FHAD1: variants seen among roughly 807,000 people sequenced by gnomAD.
FHAD1 encodes the protein forkhead associated phosphopeptide binding domain 1.
A neutral mutation model predicts 191.3 loss-of-function variants in FHAD1; 146 were observed. That is an observed-to-expected ratio of 0.76 (90% CI 0.67 to 0.88). The LOEUF is 0.88. Ranked by LOEUF, FHAD1 falls within the 40% of genes least tolerant of loss-of-function variation. The pLI is 0.00. For synonymous variants in FHAD1, 616 were observed against 672.3 expected, an observed-to-expected ratio of 0.92 and a Z score of 1.29; for missense variants, 1,635 against 1,785.8, an observed-to-expected ratio of 0.92 and a Z score of 1.52.
At chr1:15,294,450 G>A (rs1666229224) in intron 4 of FHAD1, among the ~76,000 whole-genome samples, 1 of 152,150 alleles carries the variant, frequency 6.6e-6, no homozygotes, top group Admixed American at 6.5e-5. Flanking sequence ...CTGGAGTGCA[G>A]TGGTGCAATC....
At chr1:15,258,496 C>T (rs1649385359) in intron 2 of FHAD1, among the ~76,000 whole-genome samples, 1 of 152,026 alleles carries the variant, frequency 6.6e-6, no homozygotes, top group South Asian at 2.1e-4. Context: ...ATCCATTCAT[C>T]TGTCAATGGA....
At chr1:15,350,630 G>A (rs1377647951) in intron 19 of FHAD1, among the ~76,000 whole-genome samples, 6 of 152,224 alleles carry the variant, frequency 3.9e-5, no homozygotes, top group African/African-American at 1.4e-4. Context: ...GCCCTAACAG[G>A]CTGTGTGACC....
intron 2 of FHAD1, among the ~76,000 whole-genome samples, chr1:15,270,474 T>A (rs1318285334): frequency 6.6e-6 from 1 of 152,126 alleles, no homozygotes; most frequent in East Asian, 1.9e-4. Flanking sequence ...ATCTCTAGAT[T>A]GTTGTGAAGA....
intron 2 of FHAD1, among the ~76,000 whole-genome samples, chr1:15,266,604 C>T (rs1653633864): frequency 6.6e-6 from 1 of 152,086 alleles, no homozygotes; most frequent in African/African-American, 2.4e-5. Context: ...TTAACTCAAG[C>T]CCAGAGTTTA....
intron 3 of FHAD1, among the ~76,000 whole-genome samples, chr1:15,288,217 A>G (rs1378182653): frequency 6.6e-6 from 1 of 152,232 alleles, no homozygotes; most frequent in Non-Finnish European, 1.5e-5. Flanking sequence ...ACAAAGGGTC[A>G]TGGTGAGGAA....
intron 1 of FHAD1, among the ~76,000 whole-genome samples, chr1:15,237,258 C>T (rs1573487066): frequency 1.3e-5 from 2 of 152,290 alleles, no homozygotes; most frequent in East Asian, 1.9e-4. Flanking sequence ...CTGTGAAAGC[C>T]AAAGAAACAT....
chr1:15,333,404 G>A lies in FHAD1; in HGVS notation c.1906+3863G>A, dbSNP rs1221386025. ...TGGTGATGATGGTGATTATGGTGAC[G>A]ATGATAGTCATTCATCACTGAGGAC... On this transcript the variant is annotated intron_variant, in intron 14 of 33. Coordinates refer to ENST00000688493, the MANE Select transcript of FHAD1 (RefSeq NM_001391957.1). Among the ~76,000 whole-genome samples the A allele has an allele frequency of 3.9e-5, 6 of 152,214 alleles. No individual in the cohort carries two copies. In the South Asian group the frequency reaches 1.0e-3, roughly 26 times the overall value.
chr1:15,290,396 T>A lies in FHAD1; in HGVS notation c.568+730T>A, dbSNP rs554108408. Among the ~76,000 whole-genome samples the A allele has an allele frequency of 2.2e-3, 328 of 152,290 alleles. 1 individual carries two copies. Among genetic ancestry groups the A allele is most frequent in the Non-Finnish European group, 3.5e-3 (239 of 68,022 alleles). ...TGGTTCCCAGAGTTCCTCCCTAGCC[T>A]ATGGCATCAAGGTCCCATTTTCTGT... On this transcript the variant is annotated intron_variant, in intron 4 of 33. Transcript: ENST00000688493.
Position 15,369,483 on chromosome 1 carries a change from C to T in FHAD1, c.3428C>T (p.Ala1143Val), listed in dbSNP as rs570338880. 1.4e-5 allele frequency: 21 copies of T among 1,551,706 alleles called. No homozygotes were observed. In the East Asian group the frequency reaches 2.7e-4, roughly 20 times the overall value. ...CAGATAGAACCCGTCCACACTGAGG[C>T]CTTCTCCAGCAGCCAAGAGGTGAGT... is the stretch of plus-strand genomic sequence containing the variant. The part of the protein sequence containing the change: ...SVQIEPVHTE[A>V]FSSSQEQQSF... The change falls in exon 26 of 34, where the codon GCC (alanine) becomes GTC (valine). Residue 1143 changes from alanine to valine, a missense_variant. By Grantham distance (64) the Ala-to-Val change is moderately conservative (BLOSUM62 0). Transcript: ENST00000688493.
chr1:15,278,475 CTTTT>C (rs34110532), intron 3 of FHAD1, among the ~76,000 whole-genome samples: 1 of 124,316 alleles, frequency 8.0e-6, no homozygotes, highest in Non-Finnish European at 1.6e-5. Context: ...TTCATTACCT[CTTTT>C]TTTTTTTTTT....
chr1:15,337,681 C>T (rs980187587), intron 14 of FHAD1, among the ~76,000 whole-genome samples: 1 of 152,140 alleles, frequency 6.6e-6, no homozygotes, highest in Non-Finnish European at 1.5e-5. Context: ...GCAATACCAG[C>T]AATACGGCCC....
At chr1:15,369,962 A>ATATT (rs768484533) in intron 26 of FHAD1, among the ~76,000 whole-genome samples, 2 of 152,088 alleles carry the variant, frequency 1.3e-5, no homozygotes, top group African/African-American at 4.8e-5. Context: ...ACCCATACAT[A>ATATT]TATTTATTTA....
intron 27 of FHAD1, among the ~76,000 whole-genome samples, chr1:15,375,182 G>T (rs1260665582): frequency 6.6e-6 from 1 of 152,064 alleles, no homozygotes; most frequent in African/African-American, 2.4e-5. Context: ...ATGGTGGCTG[G>T]GTGAGAACTT....
At chr1:15,261,891 G>A (rs1651238649) in intron 2 of FHAD1, among the ~76,000 whole-genome samples, 2 of 152,112 alleles carry the variant, frequency 1.3e-5, no homozygotes, top group African/African-American at 4.8e-5. Context: ...CCAGGCACTT[G>A]GGTGGCTGAG....
At chr1:15,391,850 C>A (rs61701112) in intron 33 of FHAD1, among the ~76,000 whole-genome samples, 3,096 of 152,248 alleles carry the variant, frequency 0.02, 98 homozygotes, top group African/African-American at 0.069. Flanking sequence ...TAGAGAGTGT[C>A]CCCAGGGTCC....
intron 16 of FHAD1, among the ~76,000 whole-genome samples, chr1:15,343,167 G>T (rs1227009717): frequency 6.6e-6 from 1 of 152,072 alleles, no homozygotes; most frequent in Non-Finnish European, 1.5e-5. Flanking sequence ...TGTCATTTAG[G>T]AGATTAAAAA....
At chr1:15,360,207 C>T (rs971527967) in intron 21 of FHAD1, among the ~76,000 whole-genome samples, 8 of 152,204 alleles carry the variant, frequency 5.3e-5, no homozygotes, top group East Asian at 3.8e-4. Flanking sequence ...ATGAAACAGA[C>T]GCTGGAACAG....
At chr1:15,237,929 C>A (rs1031150722) in intron 1 of FHAD1, among the ~76,000 whole-genome samples, 1 of 152,144 alleles carries the variant, frequency 6.6e-6, no homozygotes, top group African/African-American at 2.4e-5. Context: ...ATGGGGATGA[C>A]CTGAAACAAA....
rs58158298 is a variant in FHAD1, at chr1:15,376,084, TA to T, written c.3705+355del. 1.7e-3 allele frequency among the ~76,000 whole-genome samples: 228 copies of T among 136,676 alleles called. 2 individuals are homozygous for T. The highest frequency in any genetic ancestry group is 6.4e-3 in the East Asian group (30 of 4,668). 89.7% of individuals were successfully genotyped at this position (136,676 alleles called of 152,430 possible). A position where few individuals can be genotyped will look rare whatever the true frequency, so the allele number is the denominator to read the frequency against. The stretch of plus-strand genomic sequence containing the variant: ...TTATTTATTTATTTATTTATTTTTT[TA>T]TTTATTTTTTTATTTATTTTTTGAG... On this transcript the variant is annotated intron_variant, in intron 28 of 33. Coordinates refer to ENST00000688493, the MANE Select transcript of FHAD1 (RefSeq NM_001391957.1).
Sources: allele counts gnomAD v4.1 joint callset (sites outside exome capture counted in the v4.1 genomes callset), GRCh38; gene constraint gnomAD v4.1.1; transcripts MANE v1.5; gene names NCBI Gene and HGNC (gene_info 2026-07-23, HGNC 2026-07-21).